AKAP6: variants seen among roughly 807,000 people sequenced by gnomAD.
AKAP6 encodes A-kinase anchoring protein 6.
In AKAP6, 58 loss-of-function variants were observed where a neutral mutation model predicts 188.5. The observed-to-expected ratio is 0.31, with a 90% confidence interval of 0.25 to 0.38. The LOEUF is 0.38. Among genes scored for constraint, AKAP6 ranks in the 10% least tolerant of loss-of-function variants. The pLI, the probability that AKAP6 is intolerant of heterozygous loss-of-function variation, is 1.00. For synonymous variants in AKAP6, 989 were observed against 998.6 expected (o/e 0.99, Z 0.18); for missense variants, 2,710 against 2,740.0 (o/e 0.99, Z 0.24).
chr14:32,493,702 A>G (rs1435311594), intron 2 of AKAP6, among the ~76,000 whole-genome samples: 1 of 152,120 alleles, frequency 6.6e-6, no homozygotes, highest in African/African-American at 2.4e-5. Flanking sequence ...AGCTTGCTGA[A>G]CCCAGAAGCA....
At chr14:32,537,485 G>A (rs1882735948) in intron 3 of AKAP6, among the ~76,000 whole-genome samples, 1 of 152,148 alleles carries the variant, frequency 6.6e-6, no homozygotes, top group Admixed American at 6.5e-5. Context: ...TCAGAGATGA[G>A]GAAGGTTTGT....
intron 7 of AKAP6, among the ~76,000 whole-genome samples, chr14:32,630,885 G>A (rs1887238924): frequency 6.6e-6 from 1 of 151,954 alleles, no homozygotes; most frequent in Admixed American, 6.6e-5. Flanking sequence ...GACAAGGTTG[G>A]CTAACATTCT....
intron 8 of AKAP6, among the ~76,000 whole-genome samples, chr14:32,679,555 G>A (rs149660617): frequency 1.8e-4 from 27 of 152,140 alleles, no homozygotes; most frequent in African/African-American, 6.3e-4. Flanking sequence ...AGTTCTGACT[G>A]GAACTACAAT....
chr14:32,486,028 C>A (rs1263619712), intron 2 of AKAP6, among the ~76,000 whole-genome samples: 1 of 152,112 alleles, frequency 6.6e-6, no homozygotes, highest in Non-Finnish European at 1.5e-5. Context: ...TTTCAGTTTT[C>A]TGCATATGGC....
At chr14:32,516,131 T>C (rs769364169) in intron 2 of AKAP6, among the ~76,000 whole-genome samples, 2 of 152,208 alleles carry the variant, frequency 1.3e-5, no homozygotes, top group East Asian at 1.9e-4. Context: ...TGGTATATCA[T>C]TGATGACTAT....
intron 12 of AKAP6, among the ~76,000 whole-genome samples, chr14:32,785,139 A>T (rs2140031242): frequency 6.6e-6 from 1 of 152,208 alleles, no homozygotes; most frequent in Admixed American, 6.6e-5. Context: ...GCTTCCCTCC[A>T]TTCTTGTTCA....
Position 32,821,458 on chromosome 14 carries a change from T to A in AKAP6, c.3645T>A (p.Asp1215Glu). The part of the protein sequence containing the change: ...GLMDLNGMSE[D>E]ALEWDEMDIS... ...TGGACCTAAATGGGATGAGTGAGGATGCCCTGGAATGGGATGAAATGGACA... is the reference window on the plus strand; with the variant it reads ...TGGACCTAAATGGGATGAGTGAGGAAGCCCTGGAATGGGATGAAATGGACA... Residue 1215 changes from aspartate to glutamate, a missense_variant, in exon 13 of 14, where the codon GAT (aspartate) becomes GAA (glutamate). By Grantham distance (45) the Asp-to-Glu change is conservative. Around this residue, in one of 2 missense-constraint regions of AKAP6, gnomAD observed 2,473 missense variants for 2,426.1 expected, o/e 1.02. Transcript: ENST00000280979. 1 of 1,613,540 alleles carries A rather than the reference T, an allele frequency of 6.2e-7. No individual in the cohort carries two copies. The highest frequency in any genetic ancestry group is 1.1e-5 in the South Asian group (1 of 91,020).
chr14:32,477,826 G>T (rs1344145640), intron 2 of AKAP6, among the ~76,000 whole-genome samples: 1 of 152,118 alleles, frequency 6.6e-6, no homozygotes, highest in Non-Finnish European at 1.5e-5. Context: ...TTCTTACAGG[G>T]TTACATAAAG....
intron 2 of AKAP6, among the ~76,000 whole-genome samples, chr14:32,446,312 T>C (rs1375415817): frequency 6.6e-6 from 1 of 152,182 alleles, no homozygotes; most frequent in African/African-American, 2.4e-5. Flanking sequence ...CCATAATCTG[T>C]TGGATTATGC....
In AKAP6 at chr14:32,824,639, A is replaced by G. The variant is rs774248997; in HGVS notation, c.6826A>G (p.Lys2276Glu). The change falls in exon 13 of 14, where the codon AAA becomes GAA. Residue 2276 changes from lysine to glutamate, a missense_variant. Around this residue, in one of 2 missense-constraint regions of AKAP6, gnomAD observed 2,473 missense variants for 2,426.1 expected, o/e 1.02. Coordinates refer to ENST00000280979, the MANE Select transcript of AKAP6 (RefSeq NM_004274.5). The stretch of plus-strand genomic sequence containing the variant: ...ACATAATGCTGCTTCAGCCAAATCT[A>G]AAGTTCAAGACCTCTCCTTGAAGGC... ...EEHNAASAKSKVQDLSLKANQ... is the reference protein window; with the variant it reads ...EEHNAASAKSEVQDLSLKANQ... 1.2e-5 allele frequency: 20 copies of G among 1,613,822 alleles called. No homozygotes were observed. Among genetic ancestry groups the G allele is most frequent in the Admixed American group, 5.0e-5 (3 of 59,916 alleles).
intron 3 of AKAP6, 109 bp from the exon 4 acceptor site, chr14:32,545,121 C>T (rs11844955): frequency 0.14 from 139,028 of 990,792 alleles, 11,354 homozygotes; most frequent in Admixed American, 0.3. Context: ...GCAATAGGGA[C>T]CAATACATTT....
intron 7 of AKAP6, among the ~76,000 whole-genome samples, chr14:32,656,884 C>A (rs1888475548): frequency 1.3e-5 from 2 of 152,246 alleles, no homozygotes; most frequent in South Asian, 4.1e-4. Flanking sequence ...AAATATGCTT[C>A]TCTCTGTTTA....
chr14:32,391,059 C>A (rs1340723390), intron 1 of AKAP6, among the ~76,000 whole-genome samples: 1 of 152,070 alleles, frequency 6.6e-6, no homozygotes, highest in African/African-American at 2.4e-5. Context: ...GGGTACAGGA[C>A]CTACAGTTGT....
intron 1 of AKAP6, among the ~76,000 whole-genome samples, chr14:32,388,252 C>G (rs1480012991): frequency 2.0e-5 from 3 of 151,994 alleles, no homozygotes; most frequent in Non-Finnish European, 4.4e-5. Flanking sequence ...CTTGGTTAAT[C>G]TTGCTAATGG....
rs191908021 is a variant in AKAP6, at chr14:32,667,229, A to C, written c.2731-11082A>C. On this transcript the variant is annotated intron_variant, in intron 7 of 13. Transcript: ENST00000280979. ...ATTGTATCAATTTAGGCTCAGCTGA[A>C]TGCCAAAAACAACAGACACCCAGGT... Among the ~76,000 whole-genome samples the C allele has an allele frequency of 1.5e-3, 223 of 152,254 alleles. 1 individual carries two copies. Among genetic ancestry groups the C allele is most frequent in the Middle Eastern group, 6.8e-3 (2 of 294 alleles).
intron 8 of AKAP6, among the ~76,000 whole-genome samples, chr14:32,687,320 T>C (rs1363890131): frequency 1.3e-5 from 2 of 152,036 alleles, no homozygotes; most frequent in African/African-American, 4.8e-5. Context: ...ATAATCACCC[T>C]GGATTTCCTG....
Position 32,434,127 on chromosome 14 carries a change from A to G in AKAP6, c.324+310A>G, listed in dbSNP as rs1890307459. 17 of 265,742 alleles carry G rather than the reference A, an allele frequency of 6.4e-5. 1 individual carries two copies. In the South Asian group the frequency reaches 1.4e-3, roughly 23 times the overall value. 16.5% of individuals were successfully genotyped at this position (265,742 alleles called of 1,614,324 possible). On this transcript the variant is annotated intron_variant, in intron 2 of 13. Coordinates refer to ENST00000280979, the MANE Select transcript of AKAP6 (RefSeq NM_004274.5). ...ATAAAAGTATTTAAAAACTCTTACA[A>G]AGGGTTTAATAAAAGACTCTTATAG...
intron 7 of AKAP6, among the ~76,000 whole-genome samples, chr14:32,661,240 C>A (rs1019120507): frequency 1.3e-5 from 2 of 151,986 alleles, no homozygotes; most frequent in Non-Finnish European, 2.9e-5. Context: ...TCCTATAAAT[C>A]CTACATATCA....
intron 1 of AKAP6, among the ~76,000 whole-genome samples, chr14:32,409,723 A>G (rs1183279126): frequency 6.6e-6 from 1 of 152,200 alleles, no homozygotes; most frequent in Non-Finnish European, 1.5e-5. Context: ...GAAACTGACA[A>G]TAAAACTTGT....
Sources: allele counts gnomAD v4.1 joint callset (sites outside exome capture counted in the v4.1 genomes callset), GRCh38; gene constraint gnomAD v4.1.1; regional missense constraint gnomAD v4.1.1; transcripts MANE v1.5; gene names NCBI Gene and HGNC (gene_info 2026-07-23, HGNC 2026-07-21).